The following PTPRN2 variants were observed in gnomAD, a reference collection of about 807,000 sequenced individuals.
The protein encoded by PTPRN2 is receptor-type tyrosine-protein phosphatase N2.
In PTPRN2, 74 loss-of-function variants were observed where a neutral mutation model predicts 118.8. That is an observed-to-expected ratio of 0.62 (90% CI 0.52 to 0.76). The LOEUF is 0.76. Ranked by LOEUF, PTPRN2 falls within the 30% of genes least tolerant of loss-of-function variation. PTPRN2 has a pLI of 0.00. For synonymous variants in PTPRN2, 641 were observed against 608.0 expected, an observed-to-expected ratio of 1.05 and a Z score of -0.80; for missense variants, 1,481 against 1,394.4, an observed-to-expected ratio of 1.06 and a Z score of -0.99.
chr7:157,709,662 A>G (rs1798502273), intron 12 of PTPRN2, among the ~76,000 whole-genome samples: 1 of 152,156 alleles, frequency 6.6e-6, no homozygotes, highest in African/African-American at 2.4e-5. Context: ...CATGGGAAGG[A>G]GCTTAGGGTT....
intron 1 of PTPRN2, among the ~76,000 whole-genome samples, chr7:158,545,431 G>C (rs1826220930): frequency 6.6e-6 from 1 of 152,240 alleles, no homozygotes; most frequent in Admixed American, 6.5e-5. Flanking sequence ...GTATTCTCAA[G>C]TAGAACTGTC....
At chr7:158,166,766 G>A (rs1355032468) in intron 6 of PTPRN2, among the ~76,000 whole-genome samples, 165 bp downstream of exon 6, 4 of 152,212 alleles carry the variant, frequency 2.6e-5, no homozygotes, top group Admixed American at 6.5e-5. Flanking sequence ...GGGTATGAGG[G>A]CCGAAGGGAC....
intron 12 of PTPRN2, among the ~76,000 whole-genome samples, chr7:157,700,415 G>A (rs1798007261): frequency 6.6e-6 from 1 of 152,136 alleles, no homozygotes; most frequent in Non-Finnish European, 1.5e-5. Flanking sequence ...TTCCTCCACT[G>A]GGTTTCCCAG....
At chr7:158,369,736 C>T (rs930741983) in intron 2 of PTPRN2, among the ~76,000 whole-genome samples, 13 of 152,160 alleles carry the variant, frequency 8.5e-5, no homozygotes, top group East Asian at 5.8e-4. Flanking sequence ...TTCTGTAGCA[C>T]GGAAAAGGCA....
intron 2 of PTPRN2, among the ~76,000 whole-genome samples, chr7:158,483,884 T>A (rs1820810972): frequency 6.6e-6 from 1 of 152,156 alleles, no homozygotes. Context: ...ATGCCTGTAA[T>A]CCCAGCACTT....
chr7:158,132,853 C>T (rs540858656), intron 9 of PTPRN2, among the ~76,000 whole-genome samples: 1 of 146,492 alleles, frequency 6.8e-6, no homozygotes, highest in African/African-American at 2.7e-5. Flanking sequence ...CACACACACA[C>T]CTACCCAACA....
chr7:157,887,734 C>T (rs181902822), intron 12 of PTPRN2, among the ~76,000 whole-genome samples: 12 of 29,756 alleles, frequency 4.0e-4, no homozygotes, highest in Admixed American at 3.3e-3. Flanking sequence ...ACCCACTCCC[C>T]ACCATACCCA....
rs765895011 is a variant in PTPRN2, at chr7:158,565,652, G to A, written c.112+21906C>T. Among the ~76,000 whole-genome samples the A allele has an allele frequency of 1.3e-5, 2 of 152,190 alleles. No individual in the cohort carries two copies. Among genetic ancestry groups the A allele is most frequent in the African/African-American group, 2.4e-5 (1 of 41,428 alleles). On this transcript the variant is annotated intron_variant, in intron 1 of 22. Coordinates refer to ENST00000389418, the MANE Select transcript of PTPRN2 (RefSeq NM_002847.5). The surrounding 1 kb of genome is among the most constrained non-coding windows in gnomAD (Gnocchi z 4.6). ...AGCAAAGGCACGGTAGACGCCAAGG[G>A]TCCAGGAGTCGCCCTCTGTTACTTC...
intron 12 of PTPRN2, among the ~76,000 whole-genome samples, chr7:157,839,696 C>A (rs1808227728): frequency 6.7e-6 from 1 of 150,106 alleles, no homozygotes; most frequent in Middle Eastern, 3.5e-3. Context: ...GTATGTGCAA[C>A]TGTGTGGGAG....
chr7:157,672,428 T>A (rs905523183), intron 13 of PTPRN2, among the ~76,000 whole-genome samples: 2 of 150,998 alleles, frequency 1.3e-5, no homozygotes, highest in Non-Finnish European at 3.0e-5. Context: ...AGCTCCAGTT[T>A]CCATCCAATT....
chr7:158,067,838 C>G (rs574203805), intron 11 of PTPRN2, among the ~76,000 whole-genome samples: 1 of 151,454 alleles, frequency 6.6e-6, no homozygotes, highest in East Asian at 1.9e-4. Flanking sequence ...CACTGGGTCA[C>G]GCTGGGCCAT....
intron 2 of PTPRN2, among the ~76,000 whole-genome samples, chr7:158,333,842 T>C (rs201438586): frequency 0.13 from 4,667 of 35,476 alleles, no homozygotes; most frequent in Middle Eastern, 0.28. Context: ...ACTCTCACCA[T>C]AGAGCTGACA....
At chr7:158,416,926 G>T (rs933847683) in intron 2 of PTPRN2, among the ~76,000 whole-genome samples, 2 of 152,214 alleles carry the variant, frequency 1.3e-5, no homozygotes, top group Admixed American at 1.3e-4. Context: ...ACTCAGAAAG[G>T]GATTGACACT....
chr7:157,627,466 T>C lies in PTPRN2; in HGVS notation c.2197-5957A>G, dbSNP rs772107990. On this transcript the variant is annotated intron_variant, in intron 14 of 22. Transcript: ENST00000389418. This position sits in a 1 kb window ranked among gnomAD's most constrained non-coding sequence, Gnocchi z 4.2. ...TCTCAGTCGATGCAGGCTGAAGTGC[T>C]TAGGGAAGTTGGAGTTGCTGTCTGT... 6.6e-6 allele frequency among the ~76,000 whole-genome samples: 1 copy of C among 152,184 alleles called. No homozygotes were observed. Among genetic ancestry groups the C allele is most frequent in the Non-Finnish European group, 1.5e-5 (1 of 68,028 alleles).
intron 3 of PTPRN2, among the ~76,000 whole-genome samples, chr7:158,292,083 T>C (rs1350264593): frequency 2.6e-5 from 4 of 152,214 alleles, no homozygotes; most frequent in Non-Finnish European, 5.9e-5. Context: ...TTACATTCCA[T>C]ACAGCCCGCA....
intron 2 of PTPRN2, among the ~76,000 whole-genome samples, chr7:158,453,941 A>ACAATG (rs61033906): frequency 1.1e-4 from 7 of 64,358 alleles, no homozygotes; most frequent in Admixed American, 3.2e-4. Flanking sequence ...CAGACAAGAC[A>ACAATG]CACACAATCA....
In PTPRN2 at chr7:157,589,768, TTTAGGATTTAAAAAGAAAA is replaced by T. The variant is rs1409483012; in HGVS notation, c.2496+5451_2496+5469del. 2.0e-5 allele frequency among the ~76,000 whole-genome samples: 3 copies of T among 152,334 alleles called. No homozygotes were observed. In the East Asian group the frequency reaches 5.8e-4, roughly 29 times the overall value. On this transcript the variant is annotated intron_variant, in intron 17 of 22. Coordinates refer to ENST00000389418, the MANE Select transcript of PTPRN2 (RefSeq NM_002847.5). ...TTAAATTAGGATTTTAAAAAGAAAG[TTTAGGATTTAAAAAGAAAA>T]TTAGGATTTTAAAAAGAAAGTTTTA...
chr7:157,719,704 G>T lies in PTPRN2; in HGVS notation c.1789-36767C>A, dbSNP rs748401116. Among the ~76,000 whole-genome samples, 7 of 152,316 alleles carry T rather than the reference G, an allele frequency of 4.6e-5. 1 individual carries two copies. The South Asian group carries it at 1.5e-3, about 32-fold the overall frequency. ...TATGCCGGGGGAGTGGGCTCGGCCC[G>T]CGGGACAAGGCTGAAAGAGCTCCCC... On this transcript the variant is annotated intron_variant, in intron 12 of 22. Coordinates refer to ENST00000389418, the MANE Select transcript of PTPRN2 (RefSeq NM_002847.5).
At chr7:157,807,123 G>A (rs747017467) in intron 12 of PTPRN2, among the ~76,000 whole-genome samples, 11 of 152,242 alleles carry the variant, frequency 7.2e-5, no homozygotes, top group Non-Finnish European at 1.2e-4. Context: ...GGGCCCTTCC[G>A]ATGTAGCTGG....
Sources: gnomAD v4.1 joint callset for allele counts (sites outside exome capture counted in the v4.1 genomes callset) on GRCh38, gnomAD v4.1.1 for gene constraint, Gnocchi (gnomAD v3.1) non-coding constraint, MANE v1.5 for transcripts, NCBI Gene and HGNC (gene_info 2026-07-23, HGNC 2026-07-21) for gene names.